PIGK: variants seen among roughly 807,000 people sequenced by gnomAD.
PIGK encodes phosphatidylinositol glycan anchor biosynthesis class K, also known as GPI-anchor transamidase.
A neutral mutation model predicts 50.6 loss-of-function variants in PIGK; 42 were observed. That is an observed-to-expected ratio of 0.83 (90% confidence interval 0.65 to 1.07). The LOEUF is 1.07. Among genes scored for constraint, PIGK ranks in the 50% least tolerant of loss-of-function variants. The probability of loss-of-function intolerance (pLI) is 0.00; values close to 1 mark genes in which losing one functional copy is unlikely to be tolerated. For synonymous variants in PIGK, 151 were observed against 156.0 expected, an observed-to-expected ratio of 0.97 and a Z score of 0.24; for missense variants, 448 against 488.7, an observed-to-expected ratio of 0.92 and a Z score of 0.78.
Position 77,216,274 on chromosome 1 carries a change from A to C in PIGK, c.93+3036T>G, listed in dbSNP as rs146853473. On this transcript the variant is annotated intron_variant, in intron 1 of 10. Coordinates refer to ENST00000370812, the MANE Select transcript of PIGK (RefSeq NM_005482.3). ...ACAAAAAGAGAGGCATCGCTTAAAG[A>C]GAATACAACATTGGTCAGAAAGTAA... Among the ~76,000 whole-genome samples the C allele has an allele frequency of 1.1e-3, 173 of 152,326 alleles. 2 individuals carry two copies. In the Middle Eastern group the frequency reaches 0.017, roughly 15 times the overall value.
At chr1:77,108,522 A>AT (rs1356625289) in intron 10 of PIGK, among the ~76,000 whole-genome samples, 3 of 148,946 alleles carry the variant, frequency 2.0e-5, no homozygotes, top group African/African-American at 7.6e-5. Flanking sequence ...TGCCCTTAAC[A>AT]TTTTTTCCTT....
At chr1:77,133,921 C>T (rs1326721232) in intron 9 of PIGK, among the ~76,000 whole-genome samples, 1 of 152,164 alleles carries the variant, frequency 6.6e-6, no homozygotes, top group Non-Finnish European at 1.5e-5. Flanking sequence ...ACTGAACTGC[C>T]AAAAGCTGTA....
In PIGK at chr1:77,164,711, C is replaced by G. The variant is rs143203021; in HGVS notation, c.488-769G>C. 1.2e-3 allele frequency among the ~76,000 whole-genome samples: 177 copies of G among 151,880 alleles called. 1 individual carries two copies. Among genetic ancestry groups the G allele is most frequent in the African/African-American group, 4.1e-3 (171 of 41,394 alleles). On this transcript the variant is annotated intron_variant, in intron 5 of 10. Transcript: ENST00000370812. ...ATCGCTTAGTAAGTGTAAGCACATACGAGATTTCAGTTCCCACTTAACACC... is the reference window on the plus strand; with the variant it reads ...ATCGCTTAGTAAGTGTAAGCACATAGGAGATTTCAGTTCCCACTTAACACC...
Position 77,156,817 on chromosome 1 carries a change from C to T in PIGK, c.814-2196G>A, listed in dbSNP as rs141103919. ...ATTCATTTAGTAGATATTCAATGAG[C>T]ATCTACAAATAAACCAGGTACTGTA... is the stretch of plus-strand genomic sequence containing the variant. On this transcript the variant is annotated intron_variant, in intron 8 of 10. Coordinates refer to ENST00000370812, the MANE Select transcript of PIGK (RefSeq NM_005482.3). Among the ~76,000 whole-genome samples, 364 of 152,210 alleles carry T rather than the reference C, an allele frequency of 2.4e-3. 2 individuals carry two copies. The highest frequency in any genetic ancestry group is 8.2e-3 in the African/African-American group (339 of 41,524).
At chr1:77,104,492 A>T (rs560473570) in intron 10 of PIGK, among the ~76,000 whole-genome samples, 1 of 152,364 alleles carries the variant, frequency 6.6e-6, no homozygotes, top group East Asian at 1.9e-4. Context: ...ACATCAGAGA[A>T]CAAATAAAAT....
intron 10 of PIGK, among the ~76,000 whole-genome samples, chr1:77,109,724 C>A (rs1653791820): frequency 6.6e-6 from 1 of 152,152 alleles, no homozygotes; most frequent in Non-Finnish European, 1.5e-5. Flanking sequence ...CCTCTCTCAC[C>A]ACTCCTATTC....
chr1:77,155,497 T>C (rs1654987203), intron 8 of PIGK, among the ~76,000 whole-genome samples: 1 of 151,870 alleles, frequency 6.6e-6, no homozygotes. Context: ...TACAGATGAA[T>C]AAACATAACA....
intron 9 of PIGK, among the ~76,000 whole-genome samples, chr1:77,150,265 C>A (rs909528146): frequency 6.6e-6 from 1 of 151,730 alleles, no homozygotes; most frequent in Non-Finnish European, 1.5e-5. Context: ...CACTTGTAAC[C>A]CCAGCACTTT....
At chr1:77,133,727 C>A (rs1654434577) in intron 9 of PIGK, among the ~76,000 whole-genome samples, 1 of 152,186 alleles carries the variant, frequency 6.6e-6, no homozygotes, top group Admixed American at 6.5e-5. Context: ...ATTCATTACA[C>A]CTTAATGTGG....
At chr1:77,097,304 A>G (rs552421263) in intron 10 of PIGK, among the ~76,000 whole-genome samples, 2 of 152,270 alleles carry the variant, frequency 1.3e-5, no homozygotes, top group South Asian at 4.1e-4. Flanking sequence ...CAAGGAAATG[A>G]CGGTGACACA....
intron 3 of PIGK, among the ~76,000 whole-genome samples, chr1:77,192,677 C>T (rs839795): frequency 0.16 from 24,248 of 151,986 alleles, 3,099 homozygotes; most frequent in African/African-American, 0.36. Flanking sequence ...GGATAAGAAA[C>T]TTTTAAAATT....
At chr1:77,152,114 T>C (rs1654906994) in intron 9 of PIGK, among the ~76,000 whole-genome samples, 1 of 152,000 alleles carries the variant, frequency 6.6e-6, no homozygotes, top group Non-Finnish European at 1.5e-5. Flanking sequence ...ACTACATAGC[T>C]ACAGTAATCA....
intron 3 of PIGK, among the ~76,000 whole-genome samples, chr1:77,175,058 C>T (rs987938009): frequency 2.5e-4 from 38 of 152,046 alleles, no homozygotes; most frequent in Admixed American, 1.2e-3. Flanking sequence ...TTTTAGTTCA[C>T]GTAACTTTAG....
chr1:77,174,335 C>A (rs1424217076), intron 3 of PIGK, among the ~76,000 whole-genome samples: 5 of 152,150 alleles, frequency 3.3e-5, no homozygotes, highest in Admixed American at 3.3e-4. Context: ...GCCTGGGACT[C>A]CTTGGGAAAA....
intron 10 of PIGK, among the ~76,000 whole-genome samples, chr1:77,098,316 A>G (rs76517159): frequency 0.037 from 5,576 of 152,202 alleles, 272 homozygotes; most frequent in African/African-American, 0.11. Flanking sequence ...AGTGAGTGAA[A>G]ATAAAGAGAA....
intron 9 of PIGK, among the ~76,000 whole-genome samples, chr1:77,133,793 T>C (rs544913988): frequency 6.6e-6 from 1 of 152,316 alleles, no homozygotes; most frequent in Non-Finnish European, 1.5e-5. Context: ...TGGCAGGTCT[T>C]TGTCTCAACA....
chr1:77,099,038 T>C (rs1653485097), intron 10 of PIGK, among the ~76,000 whole-genome samples: 2 of 152,236 alleles, frequency 1.3e-5, no homozygotes, highest in South Asian at 2.1e-4. Flanking sequence ...CTAGGATCTA[T>C]ATTAAGGAAT....
chr1:77,144,534 G>A (rs1050793132), intron 9 of PIGK, among the ~76,000 whole-genome samples: 2 of 151,758 alleles, frequency 1.3e-5, no homozygotes, highest in Admixed American at 1.3e-4. Flanking sequence ...ACTACTCCTA[G>A]TAAACATATT....
chr1:77,095,188 C>A (rs1275736918), intron 10 of PIGK, among the ~76,000 whole-genome samples: 3 of 152,224 alleles, frequency 2.0e-5, no homozygotes, highest in African/African-American at 4.8e-5. Flanking sequence ...CTAGTGCAGT[C>A]TCTCCCACCT....
Sources: allele counts gnomAD v4.1 joint callset (sites outside exome capture counted in the v4.1 genomes callset), GRCh38; gene constraint gnomAD v4.1.1; transcripts MANE v1.5; gene names NCBI Gene and HGNC (gene_info 2026-07-23, HGNC 2026-07-21).